KIFC3: variants seen among roughly 807,000 people sequenced by gnomAD.
KIFC3 encodes the protein kinesin-like protein KIFC3.
In KIFC3, 60 loss-of-function variants were observed where a neutral mutation model predicts 101.8. The ratio of observed to expected loss-of-function variants is 0.59; its 90% CI spans 0.48 to 0.73. The LOEUF (loss-of-function observed/expected upper bound fraction) is 0.73, where lower values mean the gene tolerates loss of function less well. Among genes scored for constraint, KIFC3 ranks in the 30% least tolerant of loss-of-function variants. The pLI is 0.00. For synonymous variants in KIFC3, 476 were observed against 482.7 expected (o/e 0.99, Z 0.18); for missense variants, 966 against 1,137.1 (o/e 0.85, Z 2.16).
intron 3 of KIFC3, among the ~76,000 whole-genome samples, chr16:57,782,940 C>A (rs532181303): frequency 1.3e-5 from 2 of 152,120 alleles, no homozygotes; most frequent in Non-Finnish European, 2.9e-5. Flanking sequence ...GAGCGAAACT[C>A]CATCTCAAAA....
At chr16:57,847,801 T>A (rs923360922) in intron 1 of KIFC3, among the ~76,000 whole-genome samples, 1 of 147,468 alleles carries the variant, frequency 6.8e-6, no homozygotes, top group African/African-American at 2.5e-5. Context: ...TGTGTGTGTG[T>A]GTGAGACCGA....
chr16:57,776,430 G>A, intron 3 of KIFC3: 2 of 985,386 alleles, frequency 2.0e-6, no homozygotes, highest in Non-Finnish European at 2.4e-6. Flanking sequence ...AATAGCAGCT[G>A]ACAATTCGAA....
intron 1 of KIFC3, among the ~76,000 whole-genome samples, chr16:57,855,119 C>CTTTTTTTTT (rs1229988962): frequency 1.4e-4 from 15 of 105,038 alleles, no homozygotes; most frequent in Non-Finnish European, 2.2e-4. Context: ...CCATTTCTTT[C>CTTTTTTTTT]TTTTTTTTTT....
chr16:57,818,272 C>T (rs535624608), intron 1 of KIFC3, among the ~76,000 whole-genome samples: 1 of 152,184 alleles, frequency 6.6e-6, no homozygotes, highest in African/African-American at 2.4e-5. Flanking sequence ...TTCTTGCCAA[C>T]AAAACCTTGA....
intron 1 of KIFC3, 23 bp from the exon 2 acceptor site, chr16:57,798,305 T>A (rs1403855789): frequency 6.5e-7 from 1 of 1,540,404 alleles, no homozygotes; most frequent in Non-Finnish European, 8.7e-7. Context: ...CAAGGGGAGA[T>A]AAGCTTGAAG....
intron 10 of KIFC3, 191 bp from the exon 11 acceptor site, chr16:57,765,831 T>A: frequency 1.7e-6 from 1 of 575,370 alleles, no homozygotes. Context: ...ACTTAGTACA[T>A]TTCTTCTTGA....
Position 57,785,377 on chromosome 16 carries a change from C to A in KIFC3, c.315+9622G>T, listed in dbSNP as rs2053210862. Reference sequence around the variant, plus strand: ...CAGCTATCTCCTCTTACACCAGTAGCCTGGTGGGGTCAGGTGCCCAGGTGA... The same window carrying A: ...CAGCTATCTCCTCTTACACCAGTAGACTGGTGGGGTCAGGTGCCCAGGTGA... On this transcript the variant is annotated intron_variant, in intron 3 of 19. Transcript: ENST00000445690. 5 of 745,962 alleles carry A rather than the reference C, an allele frequency of 6.7e-6. No homozygotes were observed. In the Admixed American group the frequency reaches 1.5e-4, roughly 22 times the overall value. The allele number at this position is 745,962 out of a possible 1,614,324, so 46.2% of individuals were successfully genotyped here. A position where few individuals can be genotyped will look rare whatever the true frequency, so the allele number is the denominator to read the frequency against.
intron 3 of KIFC3, among the ~76,000 whole-genome samples, chr16:57,781,304 G>A (rs1179832204): frequency 1.3e-5 from 2 of 152,184 alleles, no homozygotes; most frequent in Admixed American, 1.3e-4. Flanking sequence ...GACAGAGTGA[G>A]ACCCTGCCTC....
At chr16:57,774,728 T>C (rs2051809806) in intron 3 of KIFC3, 1 of 503,284 alleles carries the variant, frequency 2.0e-6, no homozygotes, top group Non-Finnish European at 3.3e-6. Context: ...GGTCTTGCCA[T>C]TTTGCCCAAG....
intron 3 of KIFC3, among the ~76,000 whole-genome samples, chr16:57,782,690 T>C (rs1295717044): frequency 1.3e-5 from 2 of 152,170 alleles, no homozygotes; most frequent in Non-Finnish European, 2.9e-5. Flanking sequence ...ACGCCTGTAA[T>C]CCCAGCACCT....
In KIFC3 at chr16:57,851,563, G is replaced by A. The variant is rs189187598; in HGVS notation, c.108+11166C>T. On this transcript the variant is annotated intron_variant, in intron 1 of 2. Coordinates refer to the KIFC3 transcript ENST00000563028. Reference sequence around the variant, plus strand: ...TCTGGAACTATTATAATATTCGTTCGTTCATTCTTTTTTTTTTTTTTGAGG... The same window carrying A: ...TCTGGAACTATTATAATATTCGTTCATTCATTCTTTTTTTTTTTTTTGAGG... Among the ~76,000 whole-genome samples, 281 of 139,534 alleles carry A rather than the reference G, an allele frequency of 2.0e-3. 1 individual carries two copies. The highest frequency in any genetic ancestry group is 6.8e-3 in the African/African-American group (264 of 38,968). The allele number at this position is 139,534 out of a possible 152,430, so 91.5% of individuals were successfully genotyped here.
chr16:57,833,866 C>CT lies in KIFC3; in HGVS notation c.108+28862dup, dbSNP rs201843937. Among the ~76,000 whole-genome samples, 591 of 111,306 alleles carry CT rather than the reference C, an allele frequency of 5.3e-3. 7 individuals are homozygous for CT. Among genetic ancestry groups the CT allele is most frequent in the East Asian group, 0.024 (90 of 3,704 alleles). 73.0% of individuals were successfully genotyped at this position (111,306 alleles called of 152,430 possible). ...TATTCAATATTTAGGAATGCAGTTG[C>CT]TTTTTTTTTTTTTTTTTTTTGAGTC... On this transcript the variant is annotated intron_variant, in intron 1 of 2. Transcript: ENST00000563028.
At chr16:57,774,721 CTTGCCATT>C in intron 3 of KIFC3, 1 of 454,142 alleles carries the variant, frequency 2.2e-6, no homozygotes, top group Non-Finnish European at 3.8e-6. Context: ...ATAGAAGGGT[CTTGCCATT>C]TTGCCCAAGC....
intron 1 of KIFC3, among the ~76,000 whole-genome samples, chr16:57,831,412 G>A (rs1196785017): frequency 6.6e-6 from 1 of 152,244 alleles, no homozygotes; most frequent in Non-Finnish European, 1.5e-5. Flanking sequence ...TAAGGCAGCG[G>A]CTCATGCCTG....
intron 1 of KIFC3, among the ~76,000 whole-genome samples, chr16:57,835,260 A>G (rs1017922025): frequency 2.0e-5 from 3 of 152,172 alleles, no homozygotes; most frequent in Non-Finnish European, 4.4e-5. Context: ...AACAAAACAA[A>G]ATGGAAAATA....
chr16:57,822,828 C>T (rs2055380033), intron 1 of KIFC3, among the ~76,000 whole-genome samples: 1 of 152,178 alleles, frequency 6.6e-6, no homozygotes, highest in Non-Finnish European at 1.5e-5. Flanking sequence ...CCATGAAAGA[C>T]ATTCTTGGAG....
intron 3 of KIFC3, among the ~76,000 whole-genome samples, chr16:57,790,228 C>T (rs369509646): frequency 2.0e-5 from 3 of 151,116 alleles, no homozygotes; most frequent in East Asian, 1.9e-4. Context: ...TACAGGTACA[C>T]ACCACCATGA....
upstream of KIFC3, among the ~76,000 whole-genome samples, chr16:57,804,490 T>A (rs879967282): frequency 1.4e-4 from 21 of 152,142 alleles, no homozygotes; most frequent in Admixed American, 8.5e-4. Flanking sequence ...CTTATTAAGA[T>A]CAAAGCACCA....
chr16:57,828,653 C>T (rs1184645360), intron 1 of KIFC3, among the ~76,000 whole-genome samples: 2 of 152,208 alleles, frequency 1.3e-5, no homozygotes, highest in African/African-American at 4.8e-5. Flanking sequence ...GCCCTGAGGA[C>T]CCTTCAGGCC....
Sources: allele counts gnomAD v4.1 joint callset (sites outside exome capture counted in the v4.1 genomes callset), GRCh38; gene constraint gnomAD v4.1.1; transcripts MANE v1.5; gene names NCBI Gene and HGNC (gene_info 2026-07-23, HGNC 2026-07-21).